GPN2: variants seen among roughly 807,000 people sequenced by gnomAD.
GPN2 encodes ATP-binding domain 1 family member B.
In GPN2, 27 loss-of-function variants were observed where a neutral mutation model predicts 30.1. That is an observed-to-expected ratio of 0.90 (90% CI 0.66 to 1.24). The LOEUF (loss-of-function observed/expected upper bound fraction) is 1.24, where lower values mean the gene tolerates loss of function less well. GPN2 is among the 50% of genes most tolerant of loss of function. The probability of loss-of-function intolerance (pLI) is 0.00; values close to 1 mark genes in which losing one functional copy is unlikely to be tolerated. For synonymous variants in GPN2, 212 were observed against 174.4 expected, an observed-to-expected ratio of 1.22 and a Z score of -1.70; for missense variants, 406 against 405.4, an observed-to-expected ratio of 1.00 and a Z score of -0.01.
At chr1:26,883,867 C>T (rs913658054) in intron 4 of GPN2, among the ~76,000 whole-genome samples, 3 of 151,644 alleles carry the variant, frequency 2.0e-5, no homozygotes, top group African/African-American at 4.8e-5. Flanking sequence ...AGTGAAACCC[C>T]GTCTCTACTA....
rs537762480 is a variant in GPN2 at position 26,879,837 on chromosome 1, TCCAA to T, written c.861-92_861-89del. Reference sequence around the variant, plus strand: ...ATCTGACTTCCGCTGATGCCTACACTCCAACCATGTCCATCCCTCTCTTCCTCAT... The same window carrying T: ...ATCTGACTTCCGCTGATGCCTACACTCCATGTCCATCCCTCTCTTCCTCAT... On this transcript the variant is annotated intron_variant, in intron 4 of 4. Coordinates refer to ENST00000374135, the MANE Select transcript of GPN2 (RefSeq NM_018066.4). The T allele has an allele frequency of 4.3e-5, 34 of 799,004 alleles. No individual in the cohort carries two copies. The African/African-American group carries it at 5.4e-4, about 13-fold the overall frequency. The allele number at this position is 799,004 out of a possible 1,614,324, so 49.5% of individuals were successfully genotyped here.
At chr1:26,885,946 CAA>C in intron 3 of GPN2, 25 bp downstream of exon 3, 1 of 1,574,466 alleles carries the variant, frequency 6.4e-7, no homozygotes, top group Non-Finnish European at 8.7e-7. Flanking sequence ...CATGCACTGT[CAA>C]GAGTCCCGTC....
intron 2 of GPN2, among the ~76,000 whole-genome samples, chr1:26,887,351 T>C (rs2081896024): frequency 2.0e-5 from 3 of 152,184 alleles, no homozygotes; most frequent in Admixed American, 6.5e-5. Flanking sequence ...CTGGGCTCCC[T>C]GGCAGCTCTA....
intron 2 of GPN2, among the ~76,000 whole-genome samples, chr1:26,888,608 C>A (rs1482642440): frequency 6.6e-6 from 1 of 152,212 alleles, no homozygotes. Flanking sequence ...AAGTGAGAAA[C>A]TGAGGTCCAG....
At chr1:26,887,809 C>T (rs2081898685) in intron 2 of GPN2, among the ~76,000 whole-genome samples, 2 of 151,862 alleles carry the variant, frequency 1.3e-5, no homozygotes, top group Admixed American at 6.6e-5. Context: ...GATCCACCTG[C>T]CTCGGCCTCC....
intron 3 of GPN2, among the ~76,000 whole-genome samples, chr1:26,885,678 C>G (rs2124000235): frequency 6.7e-6 from 1 of 150,132 alleles, no homozygotes; most frequent in Admixed American, 6.7e-5. Flanking sequence ...CTCACGGGTT[C>G]ACGCCATTCT....
At chr1:26,882,455 T>C (rs2081869320) in intron 4 of GPN2, among the ~76,000 whole-genome samples, 1 of 152,144 alleles carries the variant, frequency 6.6e-6, no homozygotes, top group African/African-American at 2.4e-5. Context: ...CGCAGCTCCT[T>C]AGTACCTTCA....
In GPN2 at chr1:26,883,995, G is replaced by A. The variant is rs564923749; in HGVS notation, c.860+165C>T. ...GCAGAGCTTGCAGTGAGCTGAGATCGTGCCACTGCACTCCAGCCTGGGCGA... is the reference window on the plus strand; with the variant it reads ...GCAGAGCTTGCAGTGAGCTGAGATCATGCCACTGCACTCCAGCCTGGGCGA... On this transcript the variant is annotated intron_variant, in intron 4 of 4. Coordinates refer to ENST00000374135, the MANE Select transcript of GPN2 (RefSeq NM_018066.4). 1.3e-4 allele frequency among the ~76,000 whole-genome samples: 19 copies of A among 149,128 alleles called. 1 individual carries two copies. The highest frequency in any genetic ancestry group is 4.0e-4 in the African/African-American group (16 of 40,412).
rs1314799585 is a variant in GPN2 at position 26,876,889 on chromosome 1, A to C, written c.*2788T>G. 2.6e-5 allele frequency: 4 copies of C among 151,762 alleles called. No homozygotes were observed. Among genetic ancestry groups the C allele is most frequent in the Non-Finnish European group, 5.9e-5 (4 of 67,936 alleles). 9.4% of individuals were successfully genotyped at this position (151,762 alleles called of 1,614,324 possible). A position where few individuals can be genotyped will look rare whatever the true frequency, so the allele number is the denominator to read the frequency against. Reference sequence around the variant, plus strand: ...TGAGGGTGCTTGCATACGAGACCATAAAGTTGTAAAGGATGCCTTCCAGCC... The same window carrying C: ...TGAGGGTGCTTGCATACGAGACCATCAAGTTGTAAAGGATGCCTTCCAGCC... On this transcript the variant is annotated 3_prime_UTR_variant, in exon 5 of 5. Coordinates refer to ENST00000374135, the MANE Select transcript of GPN2 (RefSeq NM_018066.4).
In GPN2 at chr1:26,878,239, C is replaced by G. The variant is rs1359881779; in HGVS notation, c.*1438G>C. 8 of 152,194 alleles carry G rather than the reference C, an allele frequency of 5.3e-5. No homozygotes were observed. The allele number at this position is 152,194 out of a possible 1,614,324, so 9.4% of individuals were successfully genotyped here. On this transcript the variant is annotated 3_prime_UTR_variant, in exon 5 of 5. Coordinates refer to ENST00000374135, the MANE Select transcript of GPN2 (RefSeq NM_018066.4). ...AAGCCCTCTTGATTTTTGCCACACTCTCATAGGAACTGCCATATTATATAA... is the reference window on the plus strand; with the variant it reads ...AAGCCCTCTTGATTTTTGCCACACTGTCATAGGAACTGCCATATTATATAA...
At chr1:26,883,065 A>G (rs1284473601) in intron 4 of GPN2, among the ~76,000 whole-genome samples, 1 of 152,194 alleles carries the variant, frequency 6.6e-6, no homozygotes, top group African/African-American at 2.4e-5. Context: ...CTTCTCACCT[A>G]GCAAGACTGT....
rs756580618 is a variant in GPN2, at chr1:26,890,120, G to A, written c.-24C>T. 1 of 1,487,866 alleles carries A rather than the reference G, an allele frequency of 6.7e-7. No homozygotes were observed. Among genetic ancestry groups the A allele is most frequent in the Admixed American group, 2.3e-5 (1 of 44,270 alleles). 92.2% of individuals were successfully genotyped at this position (1,487,866 alleles called of 1,614,324 possible). ...ATTGGCGGCCCGCGGCCCGGAGCAG[G>A]TCAACTCACAGGGAAAACGGGGCAG... is the stretch of plus-strand genomic sequence containing the variant. On this transcript the variant is annotated 5_prime_UTR_variant, in exon 1 of 5. Transcript: ENST00000374135.
At chr1:26,882,968 A>C (rs1425149388) in intron 4 of GPN2, among the ~76,000 whole-genome samples, 2 of 152,182 alleles carry the variant, frequency 1.3e-5, no homozygotes, top group African/African-American at 4.8e-5. Context: ...CATCTATCCC[A>C]TTCAGTCACT....
intron 2 of GPN2, among the ~76,000 whole-genome samples, chr1:26,888,137 G>C (rs1169375735): frequency 6.6e-6 from 1 of 152,142 alleles, no homozygotes; most frequent in East Asian, 1.9e-4. Flanking sequence ...TGGGATTACA[G>C]GCGTGAGCCA....
In GPN2 at chr1:26,876,862, G is replaced by C. The variant is rs1298003775; in HGVS notation, c.*2815C>G. 6.6e-6 allele frequency: 1 copy of C among 151,864 alleles called. No homozygotes were observed. The highest frequency in any genetic ancestry group is 1.5e-5 in the Non-Finnish European group (1 of 67,994). The allele number at this position is 151,864 out of a possible 1,614,324, so 9.4% of individuals were successfully genotyped here. A position where few individuals can be genotyped will look rare whatever the true frequency, so the allele number is the denominator to read the frequency against. On this transcript the variant is annotated 3_prime_UTR_variant, in exon 5 of 5. Transcript: ENST00000374135. ...TCTCCACTCCATGGGTGCAGAGAAT[G>C]CTGAGGGTGCTTGCATACGAGACCA... is the stretch of plus-strand genomic sequence containing the variant.
chr1:26,889,241 GTTTC>G (rs2081907330), intron 1 of GPN2, 116 bp from the exon 2 acceptor site: 2 of 784,890 alleles, frequency 2.5e-6, no homozygotes, highest in Non-Finnish European at 4.1e-6. Flanking sequence ...TCCTGCCTCT[GTTTC>G]TTTCTAATAA....
chr1:26,884,097 G>T, intron 4 of GPN2, 63 bp downstream of exon 4: 3 of 1,316,898 alleles, frequency 2.3e-6, no homozygotes, highest in Non-Finnish European at 3.2e-6. Flanking sequence ...TGCACCTCCT[G>T]TGGCCATTCT....
intron 2 of GPN2, among the ~76,000 whole-genome samples, chr1:26,888,368 G>A (rs1364302878): frequency 2.0e-5 from 3 of 152,174 alleles, no homozygotes; most frequent in Non-Finnish European, 4.4e-5. Context: ...ACTCTCACCA[G>A]ACACCAGATC....
chr1:26,880,188 T>C (rs2081857391), intron 4 of GPN2, among the ~76,000 whole-genome samples: 1 of 152,200 alleles, frequency 6.6e-6, no homozygotes, highest in Admixed American at 6.5e-5. Context: ...TGAACTGTTC[T>C]TCCAAAACAT....
Sources: allele counts gnomAD v4.1 joint callset (sites outside exome capture counted in the v4.1 genomes callset), GRCh38; gene constraint gnomAD v4.1.1; transcripts MANE v1.5; gene names NCBI Gene and HGNC (gene_info 2026-07-23, HGNC 2026-07-21).